GAB2: variants seen among roughly 807,000 people sequenced by gnomAD.
The protein encoded by GAB2 is GRB2 associated binding protein 2.
In GAB2, 26 loss-of-function variants were observed where a neutral mutation model predicts 65.5. The observed-to-expected ratio is 0.40, with a 90% confidence interval of 0.29 to 0.55. The LOEUF is 0.55. GAB2 is among the 20% of genes least tolerant of loss of function. The pLI, the probability that GAB2 is intolerant of heterozygous loss-of-function variation, is 0.53. For synonymous variants in GAB2, 321 were observed against 329.6 expected (o/e 0.97, Z 0.28); for missense variants, 884 against 875.8 (o/e 1.01, Z -0.12).
Position 78,220,343 on chromosome 11 carries a change from C to G in GAB2, c.1863G>C (p.Pro621=), listed in dbSNP as rs376617516. ...SVDYLALDFQ[P]SSPSPHRKPS... is the part of the protein sequence containing the mutation. ...CCTTGCGGTGGGGGCTTGGGGAGCT[C>G]GGCTGGAAGTCCAGGGCCAGATAAT... The change falls in exon 9 of 10, where the codon CCG becomes CCC. Residue 621 remains proline, a synonymous_variant. Transcript: ENST00000361507. 1.2e-6 allele frequency: 2 copies of G among 1,612,710 alleles called. No individual in the cohort carries two copies. The highest frequency in any genetic ancestry group is 2.2e-5 in the South Asian group (2 of 90,978).
At chr11:78,251,691 C>A (rs969891207) in intron 2 of GAB2, among the ~76,000 whole-genome samples, 1 of 152,212 alleles carries the variant, frequency 6.6e-6, no homozygotes, top group Admixed American at 6.5e-5. Context: ...CATATGCAGA[C>A]TTTTAGACCC....
At chr11:78,285,857 T>A (rs1365438426) in intron 1 of GAB2, among the ~76,000 whole-genome samples, 4 of 152,246 alleles carry the variant, frequency 2.6e-5, no homozygotes, top group Non-Finnish European at 5.9e-5. Context: ...GATCCATTCA[T>A]CTGAAGTGGA....
chr11:78,265,010 C>T (rs1168768386), intron 2 of GAB2, among the ~76,000 whole-genome samples: 1 of 152,024 alleles, frequency 6.6e-6, no homozygotes, highest in African/African-American at 2.4e-5. Context: ...ATGCTATATG[C>T]TTTAAGTGGA....
intron 1 of GAB2, among the ~76,000 whole-genome samples, chr11:78,336,410 T>C (rs1477312277): frequency 7.2e-6 from 1 of 138,398 alleles, no homozygotes; most frequent in East Asian, 2.1e-4. Context: ...CATATAGAAA[T>C]GCTACTGATT....
At chr11:78,352,939 G>T (rs1279629557) in intron 1 of GAB2, among the ~76,000 whole-genome samples, 1 of 152,194 alleles carries the variant, frequency 6.6e-6, no homozygotes, top group African/African-American at 2.4e-5. Context: ...AAAACTGTGA[G>T]TCCTATATCC....
At chr11:78,280,939 A>G (rs1188829845) in intron 1 of GAB2, 38 bp from the exon 2 acceptor site, 27 of 1,539,128 alleles carry the variant, frequency 1.8e-5, no homozygotes, top group Non-Finnish European at 2.3e-5. Context: ...GAGGGGGAAG[A>G]AGTCATTAGT....
chr11:78,360,304 C>CA (rs1383986927), intron 1 of GAB2, among the ~76,000 whole-genome samples: 2 of 151,324 alleles, frequency 1.3e-5, no homozygotes, highest in African/African-American at 4.9e-5. Flanking sequence ...CATGATAGCT[C>CA]AAGCCTGTGA....
chr11:78,236,350 C>T (rs1864980568), intron 3 of GAB2, among the ~76,000 whole-genome samples: 1 of 152,144 alleles, frequency 6.6e-6, no homozygotes, highest in Admixed American at 6.5e-5. Context: ...AGGGTTTCGC[C>T]ATGTTGCTCA....
At chr11:78,247,791 C>T (rs1865338657) in intron 3 of GAB2, among the ~76,000 whole-genome samples, 2 of 152,222 alleles carry the variant, frequency 1.3e-5, no homozygotes, top group African/African-American at 2.4e-5. Flanking sequence ...AATATATCGT[C>T]TTTCTGGATT....
chr11:78,407,923 G>T (rs1160088996), intron 1 of GAB2, among the ~76,000 whole-genome samples: 7 of 152,060 alleles, frequency 4.6e-5, no homozygotes, highest in African/African-American at 1.7e-4. Flanking sequence ...GAAAAGAAGT[G>T]TCAACTAAAT....
chr11:78,294,368 A>G (rs1298240686), intron 1 of GAB2, among the ~76,000 whole-genome samples: 5 of 152,226 alleles, frequency 3.3e-5, no homozygotes, highest in African/African-American at 1.2e-4. Flanking sequence ...TAGTGCTGCA[A>G]TAAACATACA....
intron 1 of GAB2, among the ~76,000 whole-genome samples, chr11:78,395,948 T>C (rs1413742173): frequency 6.6e-6 from 1 of 152,226 alleles, no homozygotes; most frequent in Admixed American, 6.5e-5. Flanking sequence ...CCAGTACACA[T>C]TTCTTTTTTC....
chr11:78,282,341 C>G (rs1183620432), intron 1 of GAB2, among the ~76,000 whole-genome samples: 1 of 150,034 alleles, frequency 6.7e-6, no homozygotes, highest in East Asian at 1.9e-4. Flanking sequence ...GAGTTTCGCT[C>G]TGTCACCCAG....
Position 78,223,800 on chromosome 11 carries a change from G to C in GAB2, c.1303-124C>G, listed in dbSNP as rs551226612. 33 of 797,256 alleles carry C rather than the reference G, an allele frequency of 4.1e-5. No homozygotes were observed. In the African/African-American group the frequency reaches 5.4e-4, roughly 13 times the overall value. The allele number at this position is 797,256 out of a possible 1,614,324, so 49.4% of individuals were successfully genotyped here. Reference sequence around the variant, plus strand: ...GGTTAGCTATACTTTGAAGCTGTAAGGGAGACCTTGGGGAGACCAAATAAG... The same window carrying C: ...GGTTAGCTATACTTTGAAGCTGTAACGGAGACCTTGGGGAGACCAAATAAG... On this transcript the variant is annotated intron_variant, in intron 5 of 9. Transcript: ENST00000361507.
At chr11:78,411,783 G>A (rs1243029617) in intron 1 of GAB2, among the ~76,000 whole-genome samples, 2 of 151,736 alleles carry the variant, frequency 1.3e-5, no homozygotes, top group East Asian at 1.9e-4. Context: ...TGTAATCCCA[G>A]CACTTTGGGA....
In GAB2 at chr11:78,217,263, T is replaced by A. The variant is rs1317841365; in HGVS notation, c.*2009A>T. On this transcript the variant is annotated 3_prime_UTR_variant, in exon 10 of 10. Transcript: ENST00000361507. ...TCCTTGTCCTTTTTCTGATTGTGGC[T>A]ATCTTAAGTTCAGGGAGAAGGTCTG... The A allele has an allele frequency of 6.6e-6, 1 of 152,320 alleles. No homozygotes were observed. Among genetic ancestry groups the A allele is most frequent in the African/African-American group, 2.4e-5 (1 of 41,464 alleles). The allele number at this position is 152,320 out of a possible 1,614,324, so 9.4% of individuals were successfully genotyped here.
intron 1 of GAB2, 37 bp downstream of exon 1, chr11:78,417,609 C>A: frequency 8.2e-7 from 1 of 1,218,468 alleles, no homozygotes; most frequent in Non-Finnish European, 1.1e-6. Context: ...CCCGGAGCGC[C>A]CCCCGCCCGC....
intron 3 of GAB2, among the ~76,000 whole-genome samples, chr11:78,248,418 G>A (rs1865355004): frequency 6.6e-6 from 1 of 152,172 alleles, no homozygotes; most frequent in Non-Finnish European, 1.5e-5. Flanking sequence ...TTATTAGAAA[G>A]GACCCCAGGA....
intron 1 of GAB2, among the ~76,000 whole-genome samples, chr11:78,282,656 C>T (rs1004194713): frequency 3.9e-5 from 6 of 152,058 alleles, no homozygotes; most frequent in Non-Finnish European, 8.8e-5. Context: ...TGAATCCTGC[C>T]TCATCTATAT....
Sources: allele counts gnomAD v4.1 joint callset (sites outside exome capture counted in the v4.1 genomes callset), GRCh38; gene constraint gnomAD v4.1.1; transcripts MANE v1.5; gene names NCBI Gene and HGNC (gene_info 2026-07-23, HGNC 2026-07-21).